The following FAM234A variants were observed in gnomAD, a reference collection of about 807,000 sequenced individuals.
The protein encoded by FAM234A is family with sequence similarity 234 member A.
FAM234A carries 42 observed loss-of-function variants against 49.1 expected under a neutral mutation model. The ratio of observed to expected loss-of-function variants is 0.86; its 90% CI spans 0.67 to 1.11. FAM234A has a LOEUF of 1.11. Ranked by LOEUF, FAM234A falls within the 50% of genes least tolerant of loss-of-function variation. The pLI, the probability that FAM234A is intolerant of heterozygous loss-of-function variation, is 0.00. For synonymous variants in FAM234A, 369 were observed against 316.2 expected (o/e 1.17, Z -1.77); for missense variants, 815 against 745.2 (o/e 1.09, Z -1.09).
intron 5 of FAM234A, 93 bp downstream of exon 5, chr16:260,253 C>A: frequency 8.5e-7 from 1 of 1,183,314 alleles, no homozygotes; most frequent in Non-Finnish European, 1.2e-6. Flanking sequence ...CGACGAGGCT[C>A]AGCCCTGTGA....
downstream of FAM234A, chr16:269,475 C>G (rs367930013): frequency 1.9e-6 from 3 of 1,609,396 alleles, no homozygotes; most frequent in South Asian, 1.1e-5. Context: ...GCCACAGCCG[C>G]CGGCCACAGG....
chr16:241,218 T>C (rs895783174), intron 1 of FAM234A, among the ~76,000 whole-genome samples: 1 of 151,812 alleles, frequency 6.6e-6, no homozygotes, highest in African/African-American at 2.4e-5. Flanking sequence ...TGTATGCTAC[T>C]GTGCCTAGCC....
rs778736146 is a variant in FAM234A at position 265,055 on chromosome 16, C to T, written c.*33C>T. On this transcript the variant is annotated 3_prime_UTR_variant, in exon 13 of 13. Transcript: ENST00000399932. The stretch of plus-strand genomic sequence containing the variant: ...CCAGCCAGAGCCTGTGGAGAGACTC[C>T]GCCTGCTGACACTAAACGTCCTGGG... 8.3e-6 allele frequency: 13 copies of T among 1,562,646 alleles called. No homozygotes were observed. Among genetic ancestry groups the T allele is most frequent in the Middle Eastern group, 1.7e-4 (1 of 5,858 alleles).
intron 2 of FAM234A, among the ~76,000 whole-genome samples, chr16:253,470 A>G (rs2051099752): frequency 6.6e-6 from 1 of 151,888 alleles, no homozygotes; most frequent in East Asian, 1.9e-4. Flanking sequence ...TAAGTACTTT[A>G]TATGCATTTA....
At chr16:269,815 G>T, downstream of FAM234A, 1 of 529,266 alleles carries the variant, frequency 1.9e-6, no homozygotes. Flanking sequence ...AAGAGCCCTG[G>T]TGGCCACGTG....
intron 10 of FAM234A, 116 bp from the exon 11 acceptor site, chr16:263,900 C>T: frequency 7.1e-7 from 1 of 1,412,568 alleles, no homozygotes; most frequent in Non-Finnish European, 1.0e-6. Context: ...GTTCTGCCTC[C>T]CTCAGAGCAT....
intron 2 of FAM234A, chr16:253,872 C>G (rs1341289579): frequency 1.9e-5 from 3 of 161,132 alleles, no homozygotes; most frequent in African/African-American, 7.2e-5. Flanking sequence ...AGCACATGTC[C>G]TGGTCACACA....
In FAM234A at chr16:237,078, T is replaced by A. The variant is rs193066601; in HGVS notation, c.-140+2221T>A. The stretch of plus-strand genomic sequence containing the variant: ...CTGTTTATTTATTTATGTATTTTTT[T>A]AAAAAAATATGTAGATGGGTTCTCA... On this transcript the variant is annotated intron_variant, in intron 1 of 12. Coordinates refer to ENST00000399932, the MANE Select transcript of FAM234A (RefSeq NM_032039.4). Among the ~76,000 whole-genome samples the A allele has an allele frequency of 7.5e-3, 1,130 of 151,474 alleles. 14 individuals carry two copies. The highest frequency in any genetic ancestry group is 0.026 in the African/African-American group (1,059 of 41,290).
intron 3 of FAM234A, among the ~76,000 whole-genome samples, chr16:258,533 A>G (rs2051329669): frequency 6.6e-6 from 1 of 152,214 alleles, no homozygotes; most frequent in South Asian, 2.1e-4. Flanking sequence ...GAACAAAATG[A>G]AAAGTCTCCC....
At position 263,313 on chromosome 16, in the gene FAM234A, T is replaced by C; in HGVS notation, c.1023T>C (p.Asp341=). The C allele has an allele frequency of 1.2e-6, 2 of 1,613,236 alleles. No homozygotes were observed. The highest frequency in any genetic ancestry group is 1.7e-6 in the Non-Finnish European group (2 of 1,179,998). Residue 341 remains aspartate, a synonymous_variant, in exon 9 of 13, where the codon GAT becomes GAC. Coordinates refer to ENST00000399932, the MANE Select transcript of FAM234A (RefSeq NM_032039.4). ...LMHVPGNAGA[D]VLLVGSEAFV... ...ATGTCCCAGGGAACGCCGGTGCAGA[T>C]GTGCTTCTTGTGGGCTCAGAGGCCT...
intron 1 of FAM234A, among the ~76,000 whole-genome samples, chr16:248,768 C>A (rs1274918118): frequency 1.3e-5 from 2 of 151,558 alleles, no homozygotes; most frequent in Admixed American, 1.3e-4. Flanking sequence ...CTATAGGTGC[C>A]CACCACCACA....
At chr16:251,585 C>T (rs1230040863) in intron 2 of FAM234A, among the ~76,000 whole-genome samples, 1 of 151,554 alleles carries the variant, frequency 6.6e-6, no homozygotes, top group East Asian at 1.9e-4. Context: ...GCCACATTGC[C>T]CAGGCTGTTC....
chr16:261,795 C>CTG (rs1260994135), intron 6 of FAM234A, among the ~76,000 whole-genome samples: 1 of 152,202 alleles, frequency 6.6e-6, no homozygotes, highest in African/African-American at 2.4e-5. Flanking sequence ...CTGGGAGCAC[C>CTG]TGTGAGGCAC....
intron 1 of FAM234A, among the ~76,000 whole-genome samples, chr16:236,767 G>T (rs2050414724): frequency 7.6e-6 from 1 of 132,418 alleles, no homozygotes; most frequent in Non-Finnish European, 1.7e-5. Flanking sequence ...TTAGCCGGGC[G>T]AGGTGGCGGG....
At chr16:260,216 A>C (rs1477652945) in intron 5 of FAM234A, 56 bp downstream of exon 5, 2 of 1,524,624 alleles carry the variant, frequency 1.3e-6, no homozygotes, top group Non-Finnish European at 1.8e-6. Context: ...GAGCCACCTC[A>C]CCCTGAGGGC....
chr16:263,203 C>A (rs2239738), intron 8 of FAM234A, 59 bp from the exon 9 acceptor site: 282,241 of 1,590,602 alleles, frequency 0.18, 29,052 homozygotes, highest in African/African-American at 0.41. Flanking sequence ...AGAGCCTCCA[C>A]TGGGTGCCTG....
chr16:269,189 TG>T, downstream of FAM234A: 2 of 1,144,756 alleles, frequency 1.7e-6, no homozygotes, highest in African/African-American at 1.5e-5. Context: ...CCCCAGGACC[TG>T]GGCCAAGACG....
chr16:263,592 C>A, intron 9 of FAM234A, 108 bp from the exon 10 acceptor site: 4 of 1,260,214 alleles, frequency 3.2e-6, no homozygotes, highest in Non-Finnish European at 3.5e-6. Context: ...GGGCCCTGGT[C>A]CAGATGTGGC....
chr16:236,345 G>A (rs1388225079), intron 1 of FAM234A, among the ~76,000 whole-genome samples: 1 of 151,912 alleles, frequency 6.6e-6, no homozygotes, highest in Non-Finnish European at 1.5e-5. Context: ...TTTTTTTTGG[G>A]TGGGCGCAGT....
Sources: gnomAD v4.1 joint callset for allele counts (sites outside exome capture counted in the v4.1 genomes callset) on GRCh38, gnomAD v4.1.1 for gene constraint, MANE v1.5 for transcripts, NCBI Gene and HGNC (gene_info 2026-07-23, HGNC 2026-07-21) for gene names.